The following TNRC6B variants were observed in gnomAD, a reference collection of about 807,000 sequenced individuals.
TNRC6B encodes the protein trinucleotide repeat-containing gene 6B protein.
TNRC6B carries 52 observed loss-of-function variants against 203.6 expected under a neutral mutation model. The ratio of observed to expected loss-of-function variants is 0.26; its 90% CI spans 0.20 to 0.32. TNRC6B has a LOEUF of 0.32. TNRC6B is among the 10% of genes least tolerant of loss of function. The probability of loss-of-function intolerance (pLI) is 1.00; values close to 1 mark genes in which losing one functional copy is unlikely to be tolerated. For missense variants in TNRC6B, 1,923 were observed against 2,286.2 expected, an observed-to-expected ratio of 0.84 and a Z score of 3.24; for synonymous variants, 838 against 845.7, an observed-to-expected ratio of 0.99 and a Z score of 0.16.
At chr22:40,065,113 G>A (rs1165640997) in intron 1 of TNRC6B, among the ~76,000 whole-genome samples, 3 of 150,550 alleles carry the variant, frequency 2.0e-5, no homozygotes, top group Non-Finnish European at 4.4e-5. Flanking sequence ...TTTTTGGAGG[G>A]TGGGGGTGGA....
chr22:40,223,837 C>A (rs2069748228), intron 1 of TNRC6B, among the ~76,000 whole-genome samples: 1 of 152,126 alleles, frequency 6.6e-6, no homozygotes. Flanking sequence ...AGGTAGCTGC[C>A]AAATTGTCCC....
chr22:40,242,813 C>A (rs1601914061), intron 1 of TNRC6B, among the ~76,000 whole-genome samples: 1 of 152,060 alleles, frequency 6.6e-6, no homozygotes, highest in Non-Finnish European at 1.5e-5. Flanking sequence ...ACGCCTTCTC[C>A]ACATAGATGT....
chr22:40,283,641 G>T (rs1190497098), intron 11 of TNRC6B, among the ~76,000 whole-genome samples: 2 of 152,098 alleles, frequency 1.3e-5, no homozygotes, highest in Non-Finnish European at 2.9e-5. Context: ...AACTACTGTG[G>T]ACTTACCTAT....
At chr22:40,141,743 A>T (rs2068646078) in intron 3 of TNRC6B, among the ~76,000 whole-genome samples, 1 of 151,196 alleles carries the variant, frequency 6.6e-6, no homozygotes, top group Non-Finnish European at 1.5e-5. Flanking sequence ...CCCAGGTCCC[A>T]GCTGTTTTTT....
At chr22:40,316,270 C>T (rs933364800) in intron 21 of TNRC6B, among the ~76,000 whole-genome samples, 6 of 151,448 alleles carry the variant, frequency 4.0e-5, no homozygotes, top group Non-Finnish European at 5.9e-5. Flanking sequence ...AGGATAACGG[C>T]GTGAACCCGG....
intron 4 of TNRC6B, among the ~76,000 whole-genome samples, chr22:40,171,637 A>C (rs915911111): frequency 7.2e-5 from 11 of 152,132 alleles, no homozygotes; most frequent in Admixed American, 6.5e-5. Context: ...CATTCAGTGG[A>C]AAGCAACTAA....
intron 1 of TNRC6B, chr22:40,107,119 T>C: frequency 1.6e-6 from 1 of 621,808 alleles, no homozygotes; most frequent in Non-Finnish European, 2.8e-6. Flanking sequence ...ATACTCTTAA[T>C]TTTCATGTAG....
Position 40,277,915 on chromosome 22 carries a change from C to T in TNRC6B, c.3217-84C>T, listed in dbSNP as rs2070667784. The stretch of plus-strand genomic sequence containing the variant: ...ACCTTCTATGGTGCCAGTAGTAAGA[C>T]GTGGCTCTCAGGTGAATAATGCCAC... On this transcript the variant is annotated intron_variant, in intron 8 of 22. Coordinates refer to ENST00000454349, the MANE Select transcript of TNRC6B (RefSeq NM_001162501.2). The T allele has an allele frequency of 1.9e-5, 19 of 996,642 alleles. 1 individual carries two copies. Among genetic ancestry groups the T allele is most frequent in the Non-Finnish European group, 2.8e-5 (18 of 640,878 alleles). 61.7% of individuals were successfully genotyped at this position (996,642 alleles called of 1,614,324 possible). A position where few individuals can be genotyped will look rare whatever the true frequency, so the allele number is the denominator to read the frequency against.
Position 40,266,537 on chromosome 22 carries a change from G to C in TNRC6B, c.2307G>C (p.Val769=). The change falls in exon 5 of 23, where the codon GTG becomes GTC. Residue 769 remains valine (V), a synonymous_variant. Transcript: ENST00000454349. ...GGGAAAGTTCTGCAAGTAAACCTGT[G>C]TCTGGGTGGGGTGAAGGAGGGCAGA... ...SNWESSASKP[V]SGWGEGGQNE... 5 of 1,613,840 alleles carry C rather than the reference G, an allele frequency of 3.1e-6. No homozygotes were observed. The highest frequency in any genetic ancestry group is 3.4e-6 in the Non-Finnish European group (4 of 1,179,812).
chr22:40,270,009 T>C lies in TNRC6B; in HGVS notation c.2807-113T>C, dbSNP rs2070536698. On this transcript the variant is annotated intron_variant, in intron 5 of 22. Transcript: ENST00000454349. ...CCCTCACATGAAAGTTGAATCTATTTACATTTCTACCAACAGAATATAGGC... is the reference window on the plus strand; with the variant it reads ...CCCTCACATGAAAGTTGAATCTATTCACATTTCTACCAACAGAATATAGGC... The C allele has an allele frequency of 2.8e-6, 3 of 1,066,786 alleles. No individual in the cohort carries two copies. In the South Asian group the frequency reaches 5.2e-5, roughly 19 times the overall value. The allele number at this position is 1,066,786 out of a possible 1,614,324, so 66.1% of individuals were successfully genotyped here.
intron 1 of TNRC6B, among the ~76,000 whole-genome samples, chr22:40,085,513 CTA>C (rs1191162654): frequency 2.0e-5 from 3 of 152,120 alleles, no homozygotes; most frequent in African/African-American, 7.2e-5. Context: ...GTTGTTTGTC[CTA>C]TAGTTTCTTA....
intron 21 of TNRC6B, among the ~76,000 whole-genome samples, chr22:40,316,816 C>T (rs2071265985): frequency 6.6e-6 from 1 of 152,136 alleles, no homozygotes; most frequent in African/African-American, 2.4e-5. Flanking sequence ...GATGATAACA[C>T]ATACAGTTTA....
chr22:40,084,382 C>T (rs893607652), intron 1 of TNRC6B, among the ~76,000 whole-genome samples: 5 of 152,234 alleles, frequency 3.3e-5, no homozygotes, highest in East Asian at 3.9e-4. Flanking sequence ...CAAGGTCCTT[C>T]GAGCTGAGCA....
intron 3 of TNRC6B, among the ~76,000 whole-genome samples, chr22:40,134,200 G>A (rs1265957324): frequency 1.3e-5 from 2 of 152,108 alleles, no homozygotes; most frequent in African/African-American, 4.8e-5. Flanking sequence ...TTCACACAGT[G>A]GAGAACCCTA....
At chr22:40,084,795 T>C (rs1020772282) in intron 1 of TNRC6B, among the ~76,000 whole-genome samples, 1 of 152,126 alleles carries the variant, frequency 6.6e-6, no homozygotes, top group African/African-American at 2.4e-5. Context: ...TAGAGTGCAG[T>C]AGGAGTCAGA....
intron 5 of TNRC6B, among the ~76,000 whole-genome samples, chr22:40,267,494 T>A (rs1421232806): frequency 6.6e-6 from 1 of 152,240 alleles, no homozygotes; most frequent in Non-Finnish European, 1.5e-5. Flanking sequence ...GAAGCAAAGC[T>A]GGATCTGGAA....
At chr22:40,293,238 C>G (rs942397978) in intron 12 of TNRC6B, among the ~76,000 whole-genome samples, 19 of 134,772 alleles carry the variant, frequency 1.4e-4, no homozygotes, top group African/African-American at 4.4e-4. Context: ...CTCTGTTGCC[C>G]AGGCTGGAAT....
chr22:40,090,613 T>G (rs2068142648), intron 1 of TNRC6B, among the ~76,000 whole-genome samples: 1 of 152,204 alleles, frequency 6.6e-6, no homozygotes, highest in African/African-American at 2.4e-5. Context: ...ATCTTTGTAT[T>G]TTCTCCCAGT....
intron 3 of TNRC6B, among the ~76,000 whole-genome samples, chr22:40,148,761 C>G (rs2068718979): frequency 6.7e-6 from 1 of 148,452 alleles, no homozygotes; most frequent in Non-Finnish European, 1.5e-5. Flanking sequence ...AGGATAGGCC[C>G]TAATCCAGTA....
Sources: allele counts gnomAD v4.1 joint callset (sites outside exome capture counted in the v4.1 genomes callset), GRCh38; gene constraint gnomAD v4.1.1; transcripts MANE v1.5; gene names NCBI Gene and HGNC (gene_info 2026-07-23, HGNC 2026-07-21).